Variants in SHROOM3 observed in about 807,000 individuals in gnomAD.
SHROOM3 encodes protein Shroom3.
In SHROOM3, 47 loss-of-function variants were observed where a neutral mutation model predicts 138.6. The ratio of observed to expected loss-of-function variants is 0.34; its 90% CI spans 0.27 to 0.43. SHROOM3 has a LOEUF of 0.43. SHROOM3 is among the 20% of genes least tolerant of loss of function. SHROOM3 has a pLI of 1.00. For synonymous variants in SHROOM3, 1,062 were observed against 1,063.3 expected, an observed-to-expected ratio of 1.00 and a Z score of 0.02; for missense variants, 2,491 against 2,596.5, an observed-to-expected ratio of 0.96 and a Z score of 0.88.
chr4:76,513,675 A>G (rs1258789725), intron 1 of SHROOM3, among the ~76,000 whole-genome samples: 2 of 152,198 alleles, frequency 1.3e-5, no homozygotes, highest in Non-Finnish European at 2.9e-5. Context: ...AGCAGGAAAC[A>G]AGAACTGGGT....
Position 76,775,532 on chromosome 4 carries a change from G to A in SHROOM3, c.5623-3277G>A, listed in dbSNP as rs1041804505. 2.6e-5 allele frequency among the ~76,000 whole-genome samples: 4 copies of A among 152,106 alleles called. No homozygotes were observed. In the South Asian group the frequency reaches 8.3e-4, roughly 32 times the overall value. Reference sequence around the variant, plus strand: ...AGTACATCTATCATTTGATCCAGCAGTCCCACTACTGGGTATCTATCCAGA... The same window carrying A: ...AGTACATCTATCATTTGATCCAGCAATCCCACTACTGGGTATCTATCCAGA... On this transcript the variant is annotated intron_variant, in intron 10 of 10. Transcript: ENST00000296043.
At chr4:76,719,351 GA>G (rs1352804674) in intron 3 of SHROOM3, among the ~76,000 whole-genome samples, 2 of 152,206 alleles carry the variant, frequency 1.3e-5, no homozygotes, top group African/African-American at 4.8e-5. Context: ...GAAATTGGTA[GA>G]AACCATCCTT....
chr4:76,651,401 A>ATATATATATATAT (rs1735955382), intron 2 of SHROOM3, among the ~76,000 whole-genome samples: 5 of 86,788 alleles, frequency 5.8e-5, no homozygotes, highest in Non-Finnish European at 1.2e-4. Flanking sequence ...GTAACCCATA[A>ATATATATATATAT]ATATATATAT....
At chr4:76,608,663 T>TAGCACAGCACAGCACAGCACAGCAC (rs199824465) in intron 2 of SHROOM3, among the ~76,000 whole-genome samples, 5 of 31,440 alleles carry the variant, frequency 1.6e-4, no homozygotes, top group African/African-American at 2.9e-4. Context: ...TAGCATAGCA[T>TAGCACAGCACAGCACAGCACAGCAC]AGCACAGCAT....
intron 1 of SHROOM3, among the ~76,000 whole-genome samples, chr4:76,456,573 T>C (rs1178796281): frequency 1.3e-5 from 2 of 152,240 alleles, no homozygotes; most frequent in Non-Finnish European, 2.9e-5. Flanking sequence ...TCAATAGATA[T>C]GTACAAGTAT....
At position 76,778,953 on chromosome 4, in the gene SHROOM3, C is replaced by T; in HGVS notation, c.5767C>T (p.His1923Tyr). The T allele has an allele frequency of 1.2e-6, 2 of 1,614,040 alleles. No homozygotes were observed. Among genetic ancestry groups the T allele is most frequent in the South Asian group, 2.2e-5 (2 of 91,070 alleles). ...LSEEQLQDYQ[H>Y]FVKMKSTLLI... ...AGAGGAGCAGCTCCAGGACTACCAG[C>T]ACTTCGTGAAAATGAAGTCCACGCT... Residue 1923 changes from histidine to tyrosine, a missense_variant, in exon 11 of 11, where the codon CAC becomes TAC. By Grantham distance (83) the His-to-Tyr change is moderately conservative (BLOSUM62 2). Transcript: ENST00000296043.
intron 1 of SHROOM3, among the ~76,000 whole-genome samples, chr4:76,462,476 T>G (rs1044021950): frequency 5.3e-5 from 8 of 152,216 alleles, no homozygotes; most frequent in African/African-American, 1.9e-4. Flanking sequence ...AAACTTCATT[T>G]ACCACTTGAT....
intron 2 of SHROOM3, among the ~76,000 whole-genome samples, chr4:76,557,028 C>T (rs993733836): frequency 4.6e-5 from 7 of 152,104 alleles, no homozygotes; most frequent in East Asian, 1.9e-4. Flanking sequence ...CAGACAGACC[C>T]GGGTTCAAAT....
chr4:76,600,697 T>C (rs1442746537), intron 2 of SHROOM3, among the ~76,000 whole-genome samples: 1 of 152,184 alleles, frequency 6.6e-6, no homozygotes, highest in African/African-American at 2.4e-5. Flanking sequence ...TCATTGCCCA[T>C]AGGTGCAATA....
At chr4:76,581,558 A>G (rs968965988) in intron 2 of SHROOM3, among the ~76,000 whole-genome samples, 1 of 152,226 alleles carries the variant, frequency 6.6e-6, no homozygotes, top group Non-Finnish European at 1.5e-5. Flanking sequence ...TGTTAAAGTT[A>G]CGGTGTCATC....
intron 2 of SHROOM3, among the ~76,000 whole-genome samples, chr4:76,666,059 T>C (rs1040750308): frequency 6.6e-6 from 1 of 152,174 alleles, no homozygotes; most frequent in Non-Finnish European, 1.5e-5. Context: ...AGGACCCCTA[T>C]GGATTACTGG....
rs576797288 is a variant in SHROOM3 at position 76,515,863 on chromosome 4, A to G, written c.169-39746A>G. On this transcript the variant is annotated intron_variant, in intron 1 of 10. Coordinates refer to ENST00000296043, the MANE Select transcript of SHROOM3 (RefSeq NM_020859.4). ...GACTTATCAGTCTCACTTGCCTGGT[A>G]CTACTTTATGAGGTAAATAATTAAT... 1.4e-4 allele frequency among the ~76,000 whole-genome samples: 22 copies of G among 152,318 alleles called. No homozygotes were observed. In the South Asian group the frequency reaches 4.4e-3, roughly 30 times the overall value.
intron 1 of SHROOM3, among the ~76,000 whole-genome samples, chr4:76,512,097 T>G (rs957362028): frequency 6.6e-6 from 1 of 152,020 alleles, no homozygotes; most frequent in African/African-American, 2.4e-5. Context: ...CAGGCAGAAG[T>G]TGACCTAAGA....
At chr4:76,669,604 CAA>C (rs553788313) in intron 2 of SHROOM3, among the ~76,000 whole-genome samples, 6 of 124,766 alleles carry the variant, frequency 4.8e-5, no homozygotes, top group Non-Finnish European at 1.7e-5. Flanking sequence ...AACTCTGTCT[CAA>C]AAAAAAAAAA....
chr4:76,438,353 T>A (rs1171839477), intron 1 of SHROOM3, among the ~76,000 whole-genome samples: 1 of 152,166 alleles, frequency 6.6e-6, no homozygotes, highest in Non-Finnish European at 1.5e-5. Flanking sequence ...GAGAAGGCAA[T>A]CTCCTTTCTT....
intron 2 of SHROOM3, among the ~76,000 whole-genome samples, chr4:76,658,706 G>A (rs569511206): frequency 2.0e-5 from 3 of 152,142 alleles, no homozygotes; most frequent in Admixed American, 1.3e-4. Context: ...GCACATGCCC[G>A]CATGTGTGCT....
At chr4:76,511,338 A>G (rs1560529265) in intron 1 of SHROOM3, among the ~76,000 whole-genome samples, 1 of 135,330 alleles carries the variant, frequency 7.4e-6, no homozygotes, top group Non-Finnish European at 1.5e-5. Flanking sequence ...ACTATGTTAT[A>G]AAGTAAAAGA....
rs1036471734 is a variant in SHROOM3 at position 76,780,080 on chromosome 4, G to A, written c.*903G>A. The stretch of plus-strand genomic sequence containing the variant: ...CAGAATCCAACAAAATTCAAACGGA[G>A]CCCATGCTGTTCTCCTGAACAAGAT... On this transcript the variant is annotated 3_prime_UTR_variant, in exon 11 of 11. Coordinates refer to ENST00000296043, the MANE Select transcript of SHROOM3 (RefSeq NM_020859.4). 6.6e-6 allele frequency: 1 copy of A among 152,096 alleles called. No individual in the cohort carries two copies. Among genetic ancestry groups the A allele is most frequent in the Non-Finnish European group, 1.5e-5 (1 of 68,012 alleles). 9.4% of individuals were successfully genotyped at this position (152,096 alleles called of 1,614,324 possible). A position where few individuals can be genotyped will look rare whatever the true frequency, so the allele number is the denominator to read the frequency against.
At chr4:76,480,787 C>T (rs1448433261) in intron 1 of SHROOM3, among the ~76,000 whole-genome samples, 1 of 152,180 alleles carries the variant, frequency 6.6e-6, no homozygotes, top group East Asian at 1.9e-4. Context: ...AACAATCTCT[C>T]AGACCATAGT....
Sources: allele counts gnomAD v4.1 joint callset (sites outside exome capture counted in the v4.1 genomes callset), GRCh38; gene constraint gnomAD v4.1.1; transcripts MANE v1.5; gene names NCBI Gene and HGNC (gene_info 2026-07-23, HGNC 2026-07-21).